Variants in MMGT1 observed in about 807,000 individuals in gnomAD.
MMGT1 encodes the protein ER membrane protein complex subunit 5.
MMGT1 carries 2 observed loss-of-function variants against 11.7 expected under a neutral mutation model. That is an observed-to-expected ratio of 0.17 (90% confidence interval 0.07 to 0.54). The LOEUF is 0.54. Ranked by LOEUF, MMGT1 falls within the 20% of genes least tolerant of loss-of-function variation. The pLI, the probability that MMGT1 is intolerant of heterozygous loss-of-function variation, is 0.94. For missense variants in MMGT1, 74 were observed against 109.0 expected (o/e 0.68, Z 1.43); for synonymous variants, 49 against 44.4 (o/e 1.10, Z -0.41).
rs1556611320 is a variant in MMGT1 at position 135,960,974 on chromosome X, T to G, written c.*4050A>C. Among the ~76,000 whole-genome samples, 2 of 112,361 alleles carry G rather than the reference T, an allele frequency of 1.8e-5. No individual in the cohort carries two copies. Among genetic ancestry groups the G allele is most frequent in the African/African-American group, 6.5e-5 (2 of 30,951 alleles). ...AAAAGTTTAGTACCCAGTATTGGCATGGGTTTGGTAAATAATCATTCTCAT... is the reference window on the plus strand; with the variant it reads ...AAAAGTTTAGTACCCAGTATTGGCAGGGGTTTGGTAAATAATCATTCTCAT... On this transcript the variant is annotated 3_prime_UTR_variant, in exon 4 of 4. Coordinates refer to ENST00000305963, the MANE Select transcript of MMGT1 (RefSeq NM_173470.3).
Position 135,973,966 on chromosome X carries a change from G to C in MMGT1, c.-291C>G. 9.5e-7 allele frequency: 1 copy of C among 1,053,630 alleles called. No homozygotes were observed. The highest frequency in any genetic ancestry group is 1.3e-6 in the Non-Finnish European group (1 of 796,490). 86.8% of individuals were successfully genotyped at this position (1,053,630 alleles called of 1,213,427 possible). A position where few individuals can be genotyped will look rare whatever the true frequency, so the allele number is the denominator to read the frequency against. ...GAGTCATAAACGAAGAGGCGAAAGC[G>C]GGAGCTACGGGGAAGCGAAGAGGAA... On this transcript the variant is annotated 5_prime_UTR_variant, in exon 1 of 4. Coordinates refer to ENST00000305963, the MANE Select transcript of MMGT1 (RefSeq NM_173470.3).
chrX:135,961,799 C>T lies in MMGT1; in HGVS notation c.*3225G>A, dbSNP rs926669933. 2.7e-5 allele frequency among the ~76,000 whole-genome samples: 3 copies of T among 111,552 alleles called. No individual in the cohort carries two copies. The highest frequency in any genetic ancestry group is 1.9e-4 in the Admixed American group (2 of 10,457). On this transcript the variant is annotated 3_prime_UTR_variant, in exon 4 of 4. Coordinates refer to ENST00000305963, the MANE Select transcript of MMGT1 (RefSeq NM_173470.3). ...AAATTTGTGATGGAATCATTAGACACTGCTGCTCAAGAACCCATTTTTACA... is the reference window on the plus strand; with the variant it reads ...AAATTTGTGATGGAATCATTAGACATTGCTGCTCAAGAACCCATTTTTACA...
At position 135,973,789 on chromosome X, in the gene MMGT1, C is replaced by T. The variant is rs1289677299; in HGVS notation, c.-114G>A. 8.6e-7 allele frequency: 1 copy of T among 1,161,957 alleles called. No homozygotes were observed. The highest frequency in any genetic ancestry group is 1.1e-6 in the Non-Finnish European group (1 of 871,616). ...AAGATGACGTCACTGAAGTCCTGAG[C>T]GCAAAGTGTCTCAGTGGTGGAAAAG... On this transcript the variant is annotated 5_prime_UTR_variant, in exon 1 of 4. Transcript: ENST00000305963.
intron 2 of MMGT1, among the ~76,000 whole-genome samples, chrX:135,968,077 C>T (rs1481752358): frequency 2.7e-5 from 3 of 111,966 alleles, no homozygotes; most frequent in Non-Finnish European, 5.7e-5. Flanking sequence ...GTCTCGAACT[C>T]CTGACCTCAG....
intron 2 of MMGT1, 91 bp downstream of exon 2, chrX:135,970,967 A>T: frequency 1.7e-6 from 1 of 573,677 alleles, no homozygotes; most frequent in African/African-American, 2.3e-5. Flanking sequence ...TGTCTGAAAA[A>T]TTTTACGAAA....
In MMGT1 at chrX:135,965,087, G is replaced by C; in HGVS notation, c.333C>G (p.Asn111Lys). The C allele has an allele frequency of 8.3e-7, 1 of 1,209,080 alleles. No individual in the cohort carries two copies. The highest frequency in any genetic ancestry group is 1.1e-6 in the Non-Finnish European group (1 of 893,252). Residue 111 changes from asparagine (N) to lysine (K), a missense_variant, in exon 4 of 4, where the codon AAC becomes AAG. Transcript: ENST00000305963. ...ATGTGTTAGAGGACAATGCATCTTG[G>C]TTTGAAGAATTTGCTGTATCCGAAG... The part of the protein sequence containing the change: ...FRPSDTANSS[N>K]QDALSSNTSL...
At chrX:135,971,282 G>A (rs914074532) in intron 1 of MMGT1, among the ~76,000 whole-genome samples, 172 bp from the exon 2 acceptor site, 2 of 110,632 alleles carry the variant, frequency 1.8e-5, no homozygotes, top group Non-Finnish European at 3.8e-5. Flanking sequence ...AAAACTTAAA[G>A]TATAATAATA....
intron 3 of MMGT1, among the ~76,000 whole-genome samples, chrX:135,966,817 T>C (rs1438344386): frequency 1.8e-5 from 2 of 110,571 alleles, no homozygotes; most frequent in African/African-American, 6.6e-5. Context: ...AAAGCAAACA[T>C]AGCTCATGAA....
chrX:135,962,091 A>G lies in MMGT1; in HGVS notation c.*2933T>C, dbSNP rs139968820. 9.0e-6 allele frequency: 1 copy of G among 110,781 alleles called. No homozygotes were observed. Among genetic ancestry groups the G allele is most frequent in the East Asian group, 2.8e-4 (1 of 3,580 alleles). 9.1% of individuals were successfully genotyped at this position (110,781 alleles called of 1,213,427 possible). ...CAAAAACAGGGTGAGACAATCATTTATTTATTGGACAGGGCAAGGTCATTT... is the reference window on the plus strand; with the variant it reads ...CAAAAACAGGGTGAGACAATCATTTGTTTATTGGACAGGGCAAGGTCATTT... On this transcript the variant is annotated 3_prime_UTR_variant, in exon 4 of 4. Coordinates refer to ENST00000305963, the MANE Select transcript of MMGT1 (RefSeq NM_173470.3).
chrX:135,965,102 T>C lies in MMGT1; in HGVS notation c.318A>G (p.Thr106=). 1.7e-6 allele frequency: 2 copies of C among 1,208,403 alleles called. No homozygotes were observed. Among genetic ancestry groups the C allele is most frequent in the Non-Finnish European group, 2.2e-6 (2 of 892,478 alleles). The stretch of plus-strand genomic sequence containing the variant: ...ATGCATCTTGGTTTGAAGAATTTGC[T>C]GTATCCGAAGGCCGGAAAAGTACTC... ...RGRVLFRPSD[T]ANSSNQDALS... Residue 106 remains threonine, a synonymous_variant, in exon 4 of 4, where the codon ACA becomes ACG. Transcript: ENST00000305963.
In MMGT1 at chrX:135,961,989, C is replaced by G. The variant is rs1314023876; in HGVS notation, c.*3035G>C. 1 of 109,419 alleles carries G rather than the reference C, an allele frequency of 9.1e-6. No individual in the cohort carries two copies. The highest frequency in any genetic ancestry group is 1.9e-5 in the Non-Finnish European group (1 of 52,609). The allele number at this position is 109,419 out of a possible 1,213,427, so 9.0% of individuals were successfully genotyped here. On this transcript the variant is annotated 3_prime_UTR_variant, in exon 4 of 4. Transcript: ENST00000305963. ...GAAAAATACAGTCATAAAATTAGCT[C>G]TTACATTTTTCTGGGGACAGAAAAG...
chrX:135,964,376 C>G lies in MMGT1; in HGVS notation c.*648G>C, dbSNP rs782392830. ...AGCCTGTTACATATATTTGTTCTGA[C>G]AAAGAATTTCTGACACAAAAATTGC... On this transcript the variant is annotated 3_prime_UTR_variant, in exon 4 of 4. Coordinates refer to ENST00000305963, the MANE Select transcript of MMGT1 (RefSeq NM_173470.3). The G allele has an allele frequency of 8.9e-6, 1 of 112,959 alleles. No individual in the cohort carries two copies. Among genetic ancestry groups the G allele is most frequent in the African/African-American group, 3.2e-5 (1 of 31,047 alleles). The allele number at this position is 112,959 out of a possible 1,213,427, so 9.3% of individuals were successfully genotyped here. A position where few individuals can be genotyped will look rare whatever the true frequency, so the allele number is the denominator to read the frequency against.
At position 135,963,103 on chromosome X, in the gene MMGT1, ATTAG is replaced by A. The variant is rs1460300988; in HGVS notation, c.*1917_*1920del. ...AGCAAATCTACAGAGAGAGAAATAG[ATTAG>A]TGGTTGCCAGGGGCTCGGGGATGGG... On this transcript the variant is annotated 3_prime_UTR_variant, in exon 4 of 4. Transcript: ENST00000305963. 1.8e-5 allele frequency: 2 copies of A among 110,359 alleles called. No homozygotes were observed. The highest frequency in any genetic ancestry group is 1.9e-4 in the Admixed American group (2 of 10,304). 9.1% of individuals were successfully genotyped at this position (110,359 alleles called of 1,213,427 possible). A position where few individuals can be genotyped will look rare whatever the true frequency, so the allele number is the denominator to read the frequency against.
chrX:135,973,509 C>G, intron 1 of MMGT1, 88 bp downstream of exon 1: 1 of 741,229 alleles, frequency 1.3e-6, no homozygotes, highest in South Asian at 2.5e-5. Context: ...ATTAATCTGA[C>G]ACTCGGTCCG....
chrX:135,971,811 G>T (rs191772352), intron 1 of MMGT1, among the ~76,000 whole-genome samples: 2 of 112,120 alleles, frequency 1.8e-5, no homozygotes, highest in East Asian at 5.6e-4. Context: ...AAAAGAAAAG[G>T]ATCAGGATTT....
intron 2 of MMGT1, among the ~76,000 whole-genome samples, chrX:135,969,144 A>ATATGTG (rs373935173): frequency 2.0e-5 from 2 of 100,920 alleles, no homozygotes; most frequent in Non-Finnish European, 4.0e-5. Flanking sequence ...AAATATGTGT[A>ATATGTG]TGTGTGTGTG....
intron 3 of MMGT1, 72 bp from the exon 4 acceptor site, chrX:135,965,255 T>C: frequency 2.4e-6 from 2 of 833,404 alleles, no homozygotes; most frequent in Non-Finnish European, 3.5e-6. Context: ...AGTAGGCTTC[T>C]AACGAATTAT....
Position 135,963,258 on chromosome X carries a change from TA to T in MMGT1, c.*1765del, listed in dbSNP as rs2089165915. On this transcript the variant is annotated 3_prime_UTR_variant, in exon 4 of 4. Coordinates refer to ENST00000305963, the MANE Select transcript of MMGT1 (RefSeq NM_173470.3). ...ACTTTGTGAATACACTAAAAACCACTAAATTGTACCCTTAAAATAAGTGAAT... is the reference window on the plus strand; with the variant it reads ...ACTTTGTGAATACACTAAAAACCACTAATTGTACCCTTAAAATAAGTGAAT... The T allele has an allele frequency of 9.0e-6, 1 of 111,519 alleles. No individual in the cohort carries two copies. The highest frequency in any genetic ancestry group is 3.3e-5 in the African/African-American group (1 of 30,640). The allele number at this position is 111,519 out of a possible 1,213,427, so 9.2% of individuals were successfully genotyped here.
At chrX:135,965,789 G>A (rs782709160) in intron 3 of MMGT1, among the ~76,000 whole-genome samples, 2 of 111,460 alleles carry the variant, frequency 1.8e-5, no homozygotes, top group East Asian at 5.6e-4. Flanking sequence ...AATCTCCCCT[G>A]TAAATCTAAC....
Sources: allele counts gnomAD v4.1 joint callset (sites outside exome capture counted in the v4.1 genomes callset), GRCh38; gene constraint gnomAD v4.1.1; transcripts MANE v1.5; gene names NCBI Gene and HGNC (gene_info 2026-07-23, HGNC 2026-07-21).